Variants in IMPA1 observed in about 807,000 individuals in gnomAD.
IMPA1 encodes the protein inositol monophosphatase 1.
A neutral mutation model predicts 34.9 loss-of-function variants in IMPA1; 21 were observed. That is an observed-to-expected ratio of 0.60 (90% CI 0.43 to 0.87). The LOEUF is 0.87. IMPA1 is among the 40% of genes least tolerant of loss of function. IMPA1 has a pLI of 0.00. For missense variants in IMPA1, 299 were observed against 336.4 expected (o/e 0.89, Z 0.87); for synonymous variants, 95 against 104.4 (o/e 0.91, Z 0.55).
rs539187475 is a variant in IMPA1 at position 81,663,324 on chromosome 8, G to A, written c.567-2657C>T. On this transcript the variant is annotated intron_variant, in intron 7 of 8. Coordinates refer to ENST00000256108, the MANE Select transcript of IMPA1 (RefSeq NM_005536.4). ...CATTCTGGGAGGTTCTGTAGCTATT[G>A]ACAGAGGCTCTCTTTTACTTTACTC... Among the ~76,000 whole-genome samples the A allele has an allele frequency of 1.1e-4, 16 of 152,294 alleles. No individual in the cohort carries two copies. In the South Asian group the frequency reaches 2.9e-3, roughly 28 times the overall value.
Position 81,680,721 on chromosome 8 carries a change from C to A in IMPA1, c.126G>T (p.Leu42Phe). The change falls in exon 3 of 9, where the codon TTG becomes TTT. Residue 42 changes from leucine (L) to phenylalanine (F), a missense_variant. Transcript: ENST00000256108. Reference sequence around the variant, plus strand: ...CAACTTTTTGGTCCGTAGCAGTTACCAAATCAACTGGAGAACTTTTCAGCA... The same window carrying A: ...CAACTTTTTGGTCCGTAGCAGTTACAAAATCAACTGGAGAACTTTTCAGCA... ...NVMLKSSPVD[L>F]VTATDQKVEK... is the part of the protein sequence containing the mutation. 1 of 1,611,356 alleles carries A rather than the reference C, an allele frequency of 6.2e-7. No individual in the cohort carries two copies. Among genetic ancestry groups the A allele is most frequent in the Non-Finnish European group, 8.5e-7 (1 of 1,177,670 alleles).
intron 2 of IMPA1, 71 bp downstream of exon 2, chr8:81,681,427 C>G (rs958948761): frequency 1.5e-5 from 13 of 859,350 alleles, no homozygotes; most frequent in Admixed American, 1.4e-4. Flanking sequence ...ACAAACAAAA[C>G]AAGGCAACAA....
intron 1 of IMPA1, among the ~76,000 whole-genome samples, chr8:81,684,612 A>ATCTTTAGATACTATGTGTAG (rs1563592629): frequency 7.5e-5 from 4 of 53,232 alleles, no homozygotes; most frequent in Non-Finnish European, 1.0e-4. Flanking sequence ...TATATCTAGT[A>ATCTTTAGATACTATGTGTAG]TATATATACT....
chr8:81,658,644 C>T lies in IMPA1; in HGVS notation c.*707G>A, dbSNP rs551203099. On this transcript the variant is annotated 3_prime_UTR_variant, in exon 9 of 9. Coordinates refer to ENST00000256108, the MANE Select transcript of IMPA1 (RefSeq NM_005536.4). ...GCAGAAATGCCCACAATAAGCCATG[C>T]TATCTGATGGTATGGTAATGTGAAA... The T allele has an allele frequency of 6.6e-6, 1 of 152,554 alleles. No homozygotes were observed. Among genetic ancestry groups the T allele is most frequent in the South Asian group, 2.1e-4 (1 of 4,818 alleles). 9.5% of individuals were successfully genotyped at this position (152,554 alleles called of 1,614,324 possible). A position where few individuals can be genotyped will look rare whatever the true frequency, so the allele number is the denominator to read the frequency against.
Position 81,670,973 on chromosome 8 carries a change from T to A in IMPA1, c.532A>T (p.Asn178Tyr). 1 of 1,537,474 alleles carries A rather than the reference T, an allele frequency of 6.5e-7. No individual in the cohort carries two copies. Among genetic ancestry groups the A allele is most frequent in the Non-Finnish European group, 8.7e-7 (1 of 1,152,648 alleles). Residue 178 changes from asparagine (N) to tyrosine (Y), a missense_variant, in exon 7 of 9, where the codon AAT becomes TAT. By Grantham distance (143) the Asn-to-Tyr change is moderately radical. Transcript: ENST00000256108. ...TPETVRMVLS[N>Y]MEKLFCIPVH... ...GGAATGCAAAAAAGCTTTTCCATAT[T>A]AGAAAGAACCATTCTCACAGTCTCT...
rs1389634196 is a variant in IMPA1, at chr8:81,686,246, T to C, written c.-25+6A>G. 3 of 1,015,432 alleles carry C rather than the reference T, an allele frequency of 3.0e-6. No homozygotes were observed. The highest frequency in any genetic ancestry group is 3.5e-6 in the Non-Finnish European group (3 of 846,394). 62.9% of individuals were successfully genotyped at this position (1,015,432 alleles called of 1,614,324 possible). A position where few individuals can be genotyped will look rare whatever the true frequency, so the allele number is the denominator to read the frequency against. ...GAGGGTGCGGTGAGGAAAATAACGG[T>C]CTCACCTTGAGTCGGAGGACGTCCG... is the stretch of plus-strand genomic sequence containing the variant. On this transcript the variant is annotated splice_donor_region_variant and intron_variant, in intron 1 of 8. Coordinates refer to ENST00000256108, the MANE Select transcript of IMPA1 (RefSeq NM_005536.4).
chr8:81,658,419 A>G lies in IMPA1; in HGVS notation c.*932T>C, dbSNP rs1261250110. ...AACAGTTCAATATTAACAATACAGT[A>G]TATTTGCCAGCACAATCAAATCAGT... is the stretch of plus-strand genomic sequence containing the variant. On this transcript the variant is annotated 3_prime_UTR_variant, in exon 9 of 9. Transcript: ENST00000256108. 2 of 152,318 alleles carry G rather than the reference A, an allele frequency of 1.3e-5. No homozygotes were observed. Among genetic ancestry groups the G allele is most frequent in the Admixed American group, 6.5e-5 (1 of 15,290 alleles). 9.4% of individuals were successfully genotyped at this position (152,318 alleles called of 1,614,324 possible). A position where few individuals can be genotyped will look rare whatever the true frequency, so the allele number is the denominator to read the frequency against.
At chr8:81,665,634 C>T (rs184464616) in intron 7 of IMPA1, among the ~76,000 whole-genome samples, 3 of 152,086 alleles carry the variant, frequency 2.0e-5, no homozygotes, top group East Asian at 1.9e-4. Flanking sequence ...CTGAAACACA[C>T]GACTGACCCA....
rs573423933 is a variant in IMPA1 at position 81,657,476 on chromosome 8, G to A, written c.*1875C>T. Among the ~76,000 whole-genome samples, 3 of 152,260 alleles carry A rather than the reference G, an allele frequency of 2.0e-5. No individual in the cohort carries two copies. The highest frequency in any genetic ancestry group is 3.9e-4 in the East Asian group (2 of 5,170). ...TGTGCCTGTGGTTCCAGTTACTAGG[G>A]AGGCTGAGGTGGGAGGACTGCTTGA... On this transcript the variant is annotated 3_prime_UTR_variant, in exon 9 of 9. Transcript: ENST00000256108.
intron 5 of IMPA1, among the ~76,000 whole-genome samples, chr8:81,675,111 C>A (rs566296522): frequency 6.6e-6 from 1 of 152,308 alleles, no homozygotes; most frequent in South Asian, 2.1e-4. Context: ...TGCCTCACAG[C>A]AAGGCCAAAC....
At chr8:81,674,282 T>C in intron 5 of IMPA1, 1 of 203,532 alleles carries the variant, frequency 4.9e-6, no homozygotes, top group South Asian at 1.2e-4. Context: ...TCTGAAAAAC[T>C]GCTCCATCAG....
chr8:81,669,669 T>A (rs1331251502), intron 7 of IMPA1, among the ~76,000 whole-genome samples: 1 of 152,210 alleles, frequency 6.6e-6, no homozygotes, highest in Non-Finnish European at 1.5e-5. Context: ...ACTTTTAAGT[T>A]CATGATAGAA....
chr8:81,680,130 G>A (rs1428942890), intron 3 of IMPA1, among the ~76,000 whole-genome samples: 4 of 112,668 alleles, frequency 3.6e-5, no homozygotes, highest in South Asian at 2.7e-4. Flanking sequence ...GCGTGTCTCC[G>A]TCTAAAAAAA....
chr8:81,660,935 G>A (rs1806655874), intron 7 of IMPA1, among the ~76,000 whole-genome samples: 2 of 152,046 alleles, frequency 1.3e-5, no homozygotes, highest in African/African-American at 4.8e-5. Context: ...TAAAGACAAT[G>A]CTTAATTCTA....
intron 6 of IMPA1, among the ~76,000 whole-genome samples, chr8:81,673,172 T>C (rs758453479): frequency 9.2e-5 from 14 of 152,224 alleles, no homozygotes; most frequent in Non-Finnish European, 2.1e-4. Flanking sequence ...TGTAGACTGA[T>C]AGCTTATCTT....
At chr8:81,680,853 G>A in intron 2 of IMPA1, 70 bp from the exon 3 acceptor site, 1 of 1,122,030 alleles carries the variant, frequency 8.9e-7, no homozygotes, top group Non-Finnish European at 1.3e-6. Flanking sequence ...TACATAAATG[G>A]TTTAAGACAT....
rs1027462947 is a variant in IMPA1, at chr8:81,686,052, T to G, written c.-25+200A>C. On this transcript the variant is annotated intron_variant, in intron 1 of 8. Coordinates refer to ENST00000256108, the MANE Select transcript of IMPA1 (RefSeq NM_005536.4). ...TGAGGTCGCGTGAGCGAACCGCTACTCCAATGCCGGAACTGTTCCCGGTCG... is the reference window on the plus strand; with the variant it reads ...TGAGGTCGCGTGAGCGAACCGCTACGCCAATGCCGGAACTGTTCCCGGTCG... The G allele has an allele frequency of 1.3e-5, 15 of 1,137,098 alleles. No individual in the cohort carries two copies. The African/African-American group carries it at 2.3e-4, about 17-fold the overall frequency. 70.4% of individuals were successfully genotyped at this position (1,137,098 alleles called of 1,614,324 possible). A position where few individuals can be genotyped will look rare whatever the true frequency, so the allele number is the denominator to read the frequency against.
At chr8:81,674,962 T>G (rs1233387139) in intron 5 of IMPA1, 1 of 396,604 alleles carries the variant, frequency 2.5e-6, no homozygotes, top group East Asian at 7.4e-5. Flanking sequence ...CTATTCTCAC[T>G]GCCTCTACTT....
rs181622455 is a variant in IMPA1, at chr8:81,685,236, G to C, written c.-25+1016C>G. On this transcript the variant is annotated intron_variant, in intron 1 of 8. Transcript: ENST00000256108. ...TATATACTATACATAAGTATATTTA[G>C]ATACTATATATACTATACATAAGTA... Among the ~76,000 whole-genome samples the C allele has an allele frequency of 6.1e-3, 505 of 82,288 alleles. 6 individuals carry two copies. Among genetic ancestry groups the C allele is most frequent in the African/African-American group, 0.026 (457 of 17,466 alleles). 54.0% of individuals were successfully genotyped at this position (82,288 alleles called of 152,430 possible). A position where few individuals can be genotyped will look rare whatever the true frequency, so the allele number is the denominator to read the frequency against.
Sources: gnomAD v4.1 joint callset for allele counts (sites outside exome capture counted in the v4.1 genomes callset) on GRCh38, gnomAD v4.1.1 for gene constraint, MANE v1.5 for transcripts, NCBI Gene and HGNC (gene_info 2026-07-23, HGNC 2026-07-21) for gene names.